Variants in AK7 observed in about 807,000 individuals in gnomAD.
AK7 encodes the protein ATP-AMP transphosphorylase 7.
A neutral mutation model predicts 96.6 loss-of-function variants in AK7; 78 were observed. That is an observed-to-expected ratio of 0.81 (90% CI 0.67 to 0.97). AK7 has a LOEUF of 0.97. Ranked by LOEUF, AK7 falls within the 50% of genes least tolerant of loss-of-function variation. The pLI, the probability that AK7 is intolerant of heterozygous loss-of-function variation, is 0.00. For synonymous variants in AK7, 302 were observed against 317.2 expected (o/e 0.95, Z 0.51); for missense variants, 855 against 887.9 (o/e 0.96, Z 0.47).
rs199616462 is a variant in AK7, at chr14:96,483,090, C to A, written c.1845C>A (p.Asp615Glu). Residue 615 changes from aspartate (D) to glutamate (E), a missense_variant, in exon 16 of 18, where the codon GAC becomes GAA. Transcript: ENST00000267584. ...AGCCTCGAAATTATGGTTTAACAGA[C>A]GAAGAAAAGGCAGAAGAGGAGCGGA... ...IGEPRNYGLT[D>E]EEKAEEERKA... The A allele has an allele frequency of 9.4e-5, 152 of 1,614,110 alleles. No homozygotes were observed. Among genetic ancestry groups the A allele is most frequent in the Non-Finnish European group, 1.2e-4 (146 of 1,180,032 alleles).
At chr14:96,404,650 G>T in intron 2 of AK7, 107 bp from the exon 3 acceptor site, 1 of 559,396 alleles carries the variant, frequency 1.8e-6, no homozygotes, top group Non-Finnish European at 3.1e-6. Context: ...GTTTCCTGTG[G>T]GACTCCTCAG....
rs570543479 is a variant in AK7 at position 96,432,378 on chromosome 14, C to G, written c.610-5457C>G. 3.3e-5 allele frequency among the ~76,000 whole-genome samples: 5 copies of G among 152,130 alleles called. No individual in the cohort carries two copies. In the South Asian group the frequency reaches 1.0e-3, roughly 32 times the overall value. ...GTGTCTTTTAATTGGGGCATTTAGC[C>G]CATTTGCATTTAAGGTTAATATTGT... is the stretch of plus-strand genomic sequence containing the variant. On this transcript the variant is annotated intron_variant, in intron 5 of 17. Transcript: ENST00000267584.
chr14:96,459,646 T>C (rs7140770), intron 12 of AK7, among the ~76,000 whole-genome samples: 131,669 of 151,920 alleles, frequency 0.87, 57,408 homozygotes, highest in African/African-American at 0.96. Flanking sequence ...CTTCGTGATC[T>C]AGGAGGGTGG....
intron 16 of AK7, 103 bp downstream of exon 16, chr14:96,483,322 A>C (rs1227192941): frequency 8.4e-7 from 1 of 1,195,732 alleles, no homozygotes; most frequent in Non-Finnish European, 1.2e-6. Flanking sequence ...TGCTCTAGGG[A>C]AATGTCATGG....
At chr14:96,413,098 G>A (rs1013349742) in intron 4 of AK7, among the ~76,000 whole-genome samples, 1 of 152,160 alleles carries the variant, frequency 6.6e-6, no homozygotes, top group African/African-American at 2.4e-5. Context: ...TTGGGAGGGA[G>A]TTGATTCTGT....
intron 8 of AK7, among the ~76,000 whole-genome samples, chr14:96,448,278 G>A (rs1267547792): frequency 2.0e-5 from 3 of 152,144 alleles, no homozygotes; most frequent in South Asian, 4.2e-4. Flanking sequence ...ACCATAAACC[G>A]AGTAGCTTAT....
In AK7 at chr14:96,408,987, C is replaced by T. The variant is rs766503600; in HGVS notation, c.498+46C>T. Reference sequence around the variant, plus strand: ...CCTTTAGGTAACATTTCAGCCATAACACCTTGTAATCTGTGTGTGGAGGGA... The same window carrying T: ...CCTTTAGGTAACATTTCAGCCATAATACCTTGTAATCTGTGTGTGGAGGGA... On this transcript the variant is annotated intron_variant, in intron 4 of 17. Coordinates refer to ENST00000267584, the MANE Select transcript of AK7 (RefSeq NM_152327.5). The T allele has an allele frequency of 6.3e-6, 10 of 1,586,652 alleles. 1 individual carries two copies. The South Asian group carries it at 8.9e-5, about 14-fold the overall frequency.
intron 7 of AK7, among the ~76,000 whole-genome samples, chr14:96,446,289 C>T (rs1893228039): frequency 6.6e-6 from 1 of 152,204 alleles, no homozygotes; most frequent in African/African-American, 2.4e-5. Context: ...GGCTCTTCCA[C>T]TTTCGCAATA....
chr14:96,485,960 T>A (rs1039405783), intron 16 of AK7, among the ~76,000 whole-genome samples: 2 of 151,910 alleles, frequency 1.3e-5, no homozygotes, highest in South Asian at 4.2e-4. Flanking sequence ...CGCGCCCGGT[T>A]AATTTTTTTG....
chr14:96,401,580 C>T (rs1890411055), intron 2 of AK7, among the ~76,000 whole-genome samples: 1 of 152,140 alleles, frequency 6.6e-6, no homozygotes, highest in Non-Finnish European at 1.5e-5. Flanking sequence ...TTATGGGAAC[C>T]ACAGGGAAGA....
chr14:96,416,164 A>G (rs1246982307), intron 4 of AK7, among the ~76,000 whole-genome samples: 2 of 152,126 alleles, frequency 1.3e-5, no homozygotes, highest in African/African-American at 4.8e-5. Context: ...CAGGTGGATC[A>G]CCTGAGGCCA....
chr14:96,420,759 GC>G, intron 4 of AK7, 62 bp from the exon 5 acceptor site: 1 of 1,149,956 alleles, frequency 8.7e-7, no homozygotes, highest in Non-Finnish European at 1.3e-6. Context: ...CATATCTTTA[GC>G]CTTAGAAGTC....
intron 1 of AK7, among the ~76,000 whole-genome samples, chr14:96,397,361 G>C (rs777989962): frequency 1.3e-5 from 2 of 151,904 alleles, no homozygotes; most frequent in African/African-American, 2.4e-5. Context: ...CAATTCTCCT[G>C]TCTCAGCCTC....
chr14:96,412,379 C>A (rs1891088627), intron 4 of AK7, among the ~76,000 whole-genome samples: 2 of 147,672 alleles, frequency 1.4e-5, no homozygotes, highest in African/African-American at 5.0e-5. Flanking sequence ...AGGAGCCCGC[C>A]ACCACACCCA....
intron 14 of AK7, among the ~76,000 whole-genome samples, chr14:96,474,002 T>C (rs1242884473): frequency 6.6e-6 from 1 of 152,244 alleles, no homozygotes; most frequent in Non-Finnish European, 1.5e-5. Context: ...ATTTACTTAG[T>C]ACTGAGCAGG....
intron 14 of AK7, among the ~76,000 whole-genome samples, chr14:96,474,764 G>C (rs1895085658): frequency 6.6e-6 from 1 of 152,214 alleles, no homozygotes; most frequent in East Asian, 1.9e-4. Flanking sequence ...CAAACTCTGT[G>C]CTAAATCATA....
chr14:96,449,279 T>G (rs182529139), intron 8 of AK7, among the ~76,000 whole-genome samples: 1 of 152,320 alleles, frequency 6.6e-6, no homozygotes, highest in African/African-American at 2.4e-5. Flanking sequence ...CTCCACATGA[T>G]AAATATCTGT....
In AK7 at chr14:96,458,076, T is replaced by C. The variant is rs1894032518; in HGVS notation, c.1228-7T>C. On this transcript the variant is annotated splice_region_variant and splice_polypyrimidine_tract_variant and intron_variant, in intron 11 of 17. Coordinates refer to ENST00000267584, the MANE Select transcript of AK7 (RefSeq NM_152327.5). Reference sequence around the variant, plus strand: ...TCATCCAATGTGAATATCCCTGTGGTATGCAGGAGGCGATTGTTGCCCCTA... The same window carrying C: ...TCATCCAATGTGAATATCCCTGTGGCATGCAGGAGGCGATTGTTGCCCCTA... 1 of 1,611,996 alleles carries C rather than the reference T, an allele frequency of 6.2e-7. No homozygotes were observed. The highest frequency in any genetic ancestry group is 1.1e-5 in the South Asian group (1 of 90,988).
chr14:96,477,805 TA>T (rs1895267907), intron 14 of AK7, among the ~76,000 whole-genome samples: 1 of 152,222 alleles, frequency 6.6e-6, no homozygotes, highest in African/African-American at 2.4e-5. Flanking sequence ...GTTCCCATTT[TA>T]TTAATTTGGC....
Sources: allele counts gnomAD v4.1 joint callset (sites outside exome capture counted in the v4.1 genomes callset), GRCh38; gene constraint gnomAD v4.1.1; transcripts MANE v1.5; gene names NCBI Gene and HGNC (gene_info 2026-07-23, HGNC 2026-07-21).